Variants in CHERP observed in about 807,000 individuals in gnomAD.
CHERP encodes the protein ERPROT 213-21.
CHERP carries 8 observed loss-of-function variants against 113.8 expected under a neutral mutation model. That is an observed-to-expected ratio of 0.07 (90% CI 0.04 to 0.13). CHERP has a LOEUF of 0.13. Among genes scored for constraint, CHERP ranks in the 10% least tolerant of loss-of-function variants. The pLI is 1.00. For synonymous variants in CHERP, 559 were observed against 524.5 expected (o/e 1.07, Z -0.90); for missense variants, 884 against 1,298.2 (o/e 0.68, Z 4.90).
At position 16,530,597 on chromosome 19, in the gene CHERP, A is replaced by G. The variant is rs1159438130; in HGVS notation, c.864T>C (p.Leu288=). 58 of 1,613,948 alleles carry G rather than the reference A, an allele frequency of 3.6e-5. No individual in the cohort carries two copies. Among genetic ancestry groups the G allele is most frequent in the Non-Finnish European group, 4.8e-5 (57 of 1,179,858 alleles). ...IQQLQSPALG[L]GQYQATLINE... ...CAGGGACACTCACCTGGTACTGACC[A>G]AGCCCCAGGGCTGGGCTCTGTAGCT... Residue 288 remains leucine (L), a synonymous_variant, in exon 7 of 17, where the codon CTT becomes CTC. Transcript: ENST00000546361. The surrounding 1 kb of genome is among the most constrained non-coding windows in gnomAD (Gnocchi z 4.1).
At position 16,542,364 on chromosome 19, in the gene CHERP, C is replaced by G; in HGVS notation, c.15G>C (p.Leu5=). 1 of 1,392,974 alleles carries G rather than the reference C, an allele frequency of 7.2e-7. No individual in the cohort carries two copies. The highest frequency in any genetic ancestry group is 9.4e-7 in the Non-Finnish European group (1 of 1,067,048). The allele number at this position is 1,392,974 out of a possible 1,614,324, so 86.3% of individuals were successfully genotyped here. ...CGGTTTGGGTCTCACCATCGGGGGG[C>G]AGCGGCATCTCCATGGCTCCGGCCG... MEMP[L]PPDDQELRNV... Residue 5 remains leucine, a synonymous_variant, in exon 1 of 17, where the codon CTG becomes CTC. Transcript: ENST00000546361.
Position 16,534,052 on chromosome 19 carries a change from C to CTTT in CHERP, c.385-907_385-905dup, listed in dbSNP as rs200659711. On this transcript the variant is annotated intron_variant, in intron 3 of 16. Coordinates refer to ENST00000546361, the MANE Select transcript of CHERP (RefSeq NM_006387.6). ...GGTGAGCATTCTGGAACTTTCTTTT[C>CTTT]TTTTCTTTTTTTTTTTTTTGAGATG... Among the ~76,000 whole-genome samples, 11 of 133,820 alleles carry CTTT rather than the reference C, an allele frequency of 8.2e-5. 1 individual carries two copies. The highest frequency in any genetic ancestry group is 1.4e-4 in the Admixed American group (2 of 13,830). 87.8% of individuals were successfully genotyped at this position (133,820 alleles called of 152,430 possible). A position where few individuals can be genotyped will look rare whatever the true frequency, so the allele number is the denominator to read the frequency against.
Position 16,519,832 on chromosome 19 carries a change from C to T in CHERP, c.2463-117G>A, listed in dbSNP as rs1465785727. The T allele has an allele frequency of 5.4e-6, 5 of 917,822 alleles. No individual in the cohort carries two copies. Among genetic ancestry groups the T allele is most frequent in the South Asian group, 2.7e-5 (2 of 72,978 alleles). The allele number at this position is 917,822 out of a possible 1,614,324, so 56.9% of individuals were successfully genotyped here. A position where few individuals can be genotyped will look rare whatever the true frequency, so the allele number is the denominator to read the frequency against. On this transcript the variant is annotated intron_variant, in intron 15 of 16. Coordinates refer to ENST00000546361, the MANE Select transcript of CHERP (RefSeq NM_006387.6). This position sits in a 1 kb window ranked among gnomAD's most constrained non-coding sequence, Gnocchi z 6.0. ...CATGCTCACTGTCACCAGGTGACAC[C>T]GTATGCAGATTTTGCGTCTCTACCC...
chr19:16,521,997 A>T (rs961807489), intron 11 of CHERP, among the ~76,000 whole-genome samples: 1 of 152,198 alleles, frequency 6.6e-6, no homozygotes. Context: ...TTTGCTTGCA[A>T]TGCCTACCCT....
intron 2 of CHERP, 191 bp downstream of exon 2, chr19:16,541,679 T>G (rs148686624): frequency 1.8e-6 from 1 of 558,104 alleles, no homozygotes; most frequent in Non-Finnish European, 3.1e-6. Flanking sequence ...CTCGTTGTTC[T>G]CCATTACAGT....
chr19:16,541,710 T>A (rs2085781155), intron 2 of CHERP, 160 bp downstream of exon 2: 3 of 776,688 alleles, frequency 3.9e-6, no homozygotes, highest in Admixed American at 4.7e-5. Context: ...AGCCGCTCTG[T>A]GCAGGGCCGT....
chr19:16,525,648 G>A lies in CHERP; in HGVS notation c.1335C>T (p.His445=). The part of the protein sequence containing the change: ...QPPEQPPYPH[H]QGGPPHCPPW... ...GGGGGCAGTGGGGTGGGCCGCCCTG[G>A]TGGTGCGGGTAGGGTGGCTGCTCTG... is the stretch of plus-strand genomic sequence containing the variant. The change falls in exon 10 of 17, where the codon CAC becomes CAT. Residue 445 remains histidine (H), a synonymous_variant. Transcript: ENST00000546361. This position sits in a 1 kb window ranked among gnomAD's most constrained non-coding sequence, Gnocchi z 6.5. 2 of 1,525,488 alleles carry A rather than the reference G, an allele frequency of 1.3e-6. No individual in the cohort carries two copies. The highest frequency in any genetic ancestry group is 4.0e-5 in the Admixed American group (2 of 50,316). The allele number at this position is 1,525,488 out of a possible 1,614,324, so 94.5% of individuals were successfully genotyped here.
rs2085635390 is a variant in CHERP at position 16,523,450 on chromosome 19, C to T, written c.1742-160G>A. Among the ~76,000 whole-genome samples the T allele has an allele frequency of 6.6e-6, 1 of 151,996 alleles. No homozygotes were observed. Among genetic ancestry groups the T allele is most frequent in the Non-Finnish European group, 1.5e-5 (1 of 67,986 alleles). On this transcript the variant is annotated intron_variant, in intron 10 of 16. Coordinates refer to ENST00000546361, the MANE Select transcript of CHERP (RefSeq NM_006387.6). The surrounding 1 kb of genome is among the most constrained non-coding windows in gnomAD (Gnocchi z 4.0). ...TGCTTAAGACCAGGCAGCAAGGCAC[C>T]GAGGAGCCAGGCTCCGAGGGGCCTG...
In CHERP at chr19:16,519,854, AC is replaced by A; in HGVS notation, c.2463-140del. The A allele has an allele frequency of 3.8e-6, 3 of 793,832 alleles. No homozygotes were observed. The highest frequency in any genetic ancestry group is 2.2e-6 in the Non-Finnish European group (1 of 464,238). 49.2% of individuals were successfully genotyped at this position (793,832 alleles called of 1,614,324 possible). A position where few individuals can be genotyped will look rare whatever the true frequency, so the allele number is the denominator to read the frequency against. On this transcript the variant is annotated intron_variant, in intron 15 of 16. Coordinates refer to ENST00000546361, the MANE Select transcript of CHERP (RefSeq NM_006387.6). The surrounding 1 kb of genome is among the most constrained non-coding windows in gnomAD (Gnocchi z 6.0). ...CACCGTATGCAGATTTTGCGTCTCT[AC>A]CCGTTTATCCTGTCTCAGCTAGATA...
chr19:16,530,475 C>T lies in CHERP; in HGVS notation c.876+110G>A. The stretch of plus-strand genomic sequence containing the variant: ...GGCTACTCCTAGCACAGGCAGGGGA[C>T]ATGGGCTCTCTGGCTGCTGGGGTGG... On this transcript the variant is annotated intron_variant, in intron 7 of 16. Transcript: ENST00000546361. The surrounding 1 kb of genome is among the most constrained non-coding windows in gnomAD (Gnocchi z 4.1). 2 of 964,988 alleles carry T rather than the reference C, an allele frequency of 2.1e-6. No homozygotes were observed. Among genetic ancestry groups the T allele is most frequent in the Non-Finnish European group, 3.3e-6 (2 of 605,282 alleles). 59.8% of individuals were successfully genotyped at this position (964,988 alleles called of 1,614,324 possible).
intron 2 of CHERP, among the ~76,000 whole-genome samples, chr19:16,538,363 C>T (rs2085755148): frequency 6.6e-6 from 1 of 152,360 alleles, no homozygotes; most frequent in South Asian, 2.1e-4. Flanking sequence ...ACACCCTTTA[C>T]ATCTAGCCAA....
chr19:16,522,312 G>A (rs1195444730), intron 11 of CHERP, among the ~76,000 whole-genome samples: 1 of 151,610 alleles, frequency 6.6e-6, no homozygotes, highest in Non-Finnish European at 1.5e-5. Flanking sequence ...AGGCTGGAGT[G>A]TAGTGGCGTG....
At position 16,519,518 on chromosome 19, in the gene CHERP, T is replaced by G; in HGVS notation, c.2557+103A>C. On this transcript the variant is annotated intron_variant, in intron 16 of 16. Coordinates refer to ENST00000546361, the MANE Select transcript of CHERP (RefSeq NM_006387.6). The surrounding 1 kb of genome is among the most constrained non-coding windows in gnomAD (Gnocchi z 6.0). ...TGGGTGGAGTCAGAACCGGCCTGAC[T>G]CCATCCATCCCCACATGCACTGAGG... 1 of 1,288,572 alleles carries G rather than the reference T, an allele frequency of 7.8e-7. No individual in the cohort carries two copies. The highest frequency in any genetic ancestry group is 1.1e-6 in the Non-Finnish European group (1 of 894,036). The allele number at this position is 1,288,572 out of a possible 1,614,324, so 79.8% of individuals were successfully genotyped here.
intron 10 of CHERP, among the ~76,000 whole-genome samples, chr19:16,524,668 G>C (rs926576111): frequency 1.3e-5 from 2 of 152,012 alleles, no homozygotes; most frequent in Non-Finnish European, 2.9e-5. Flanking sequence ...TGGGATGACT[G>C]CTTGAGCTCA....
chr19:16,531,670 G>A (rs1482109267), intron 5 of CHERP, among the ~76,000 whole-genome samples: 2 of 152,230 alleles, frequency 1.3e-5, no homozygotes. Flanking sequence ...CTGTGCATCC[G>A]TGCAAGGCAC....
chr19:16,525,122 C>G lies in CHERP; in HGVS notation c.1741+120G>C. The G allele has an allele frequency of 1.0e-6, 1 of 1,004,120 alleles. No homozygotes were observed. Among genetic ancestry groups the G allele is most frequent in the Middle Eastern group, 3.3e-4 (1 of 3,004 alleles). The allele number at this position is 1,004,120 out of a possible 1,614,324, so 62.2% of individuals were successfully genotyped here. A position where few individuals can be genotyped will look rare whatever the true frequency, so the allele number is the denominator to read the frequency against. On this transcript the variant is annotated intron_variant, in intron 10 of 16. Transcript: ENST00000546361. This position sits in a 1 kb window ranked among gnomAD's most constrained non-coding sequence, Gnocchi z 6.5. ...CCGGGCTCCTCGGACGTCCCATGAC[C>G]CTGTGTCTGTCACTGTGCACTCAGG...
intron 2 of CHERP, among the ~76,000 whole-genome samples, chr19:16,537,069 C>G (rs963026785): frequency 6.6e-6 from 1 of 152,018 alleles, no homozygotes; most frequent in African/African-American, 2.4e-5. Context: ...GGAAACTTCT[C>G]CCTTTACCCC....
chr19:16,527,912 G>A (rs757800183), intron 9 of CHERP, among the ~76,000 whole-genome samples, 168 bp downstream of exon 9: 14 of 152,170 alleles, frequency 9.2e-5, no homozygotes, highest in Admixed American at 6.5e-4. Context: ...GACCTGTCCC[G>A]GAGCCACAGG....
intron 8 of CHERP, 138 bp downstream of exon 8, chr19:16,529,510 A>C (rs572216658): frequency 1.8e-6 from 2 of 1,084,828 alleles, no homozygotes; most frequent in Non-Finnish European, 2.6e-6. Context: ...ATGGATGAAA[A>C]CCTGGGCCTA....
Sources: gnomAD v4.1 joint callset for allele counts (sites outside exome capture counted in the v4.1 genomes callset) on GRCh38, gnomAD v4.1.1 for gene constraint, Gnocchi (gnomAD v3.1) non-coding constraint, MANE v1.5 for transcripts, NCBI Gene and HGNC (gene_info 2026-07-23, HGNC 2026-07-21) for gene names.